MAF: variants seen among roughly 807,000 people sequenced by gnomAD.
MAF encodes MAF bZIP transcription factor, also known as transcription factor Maf.
In MAF, 10 loss-of-function variants were observed where a neutral mutation model predicts 22.0. The ratio of observed to expected loss-of-function variants is 0.45; its 90% CI spans 0.28 to 0.77. The LOEUF (loss-of-function observed/expected upper bound fraction) is 0.77, where lower values mean the gene tolerates loss of function less well. MAF is among the 30% of genes least tolerant of loss of function. The pLI, the probability that MAF is intolerant of heterozygous loss-of-function variation, is 0.12. For missense variants in MAF, 544 were observed against 548.4 expected, an observed-to-expected ratio of 0.99 and a Z score of 0.08; for synonymous variants, 337 against 255.8, an observed-to-expected ratio of 1.32 and a Z score of -3.03.
the MAF span, among the ~76,000 whole-genome samples, chr16:79,500,917 G>A: frequency 6.6e-6 from 1 of 152,056 alleles, no homozygotes; most frequent in Non-Finnish European, 1.5e-5. Flanking sequence ...TCTCTGTTAG[G>A]GAAAATTCAC....
At chr16:79,244,206 T>C in the MAF span, among the ~76,000 whole-genome samples, 1 of 152,016 alleles carries the variant, frequency 6.6e-6, no homozygotes, top group African/African-American at 2.4e-5. Context: ...GTATCGGAAG[T>C]TCTGGCCAGG....
At chr16:79,228,701 T>A in the MAF span, among the ~76,000 whole-genome samples, 1 of 152,048 alleles carries the variant, frequency 6.6e-6, no homozygotes, top group Non-Finnish European at 1.5e-5. Flanking sequence ...TTGTTATGGT[T>A]GAAAATTCAG....
chr16:79,218,152 C>T, the MAF span, among the ~76,000 whole-genome samples: 2 of 151,816 alleles, frequency 1.3e-5, no homozygotes, highest in South Asian at 4.2e-4. Flanking sequence ...ACTGAACAAA[C>T]AGCTCTGAGT....
At chr16:79,530,086 A>G in the MAF span, among the ~76,000 whole-genome samples, 2 of 152,336 alleles carry the variant, frequency 1.3e-5, no homozygotes, top group African/African-American at 2.4e-5. Context: ...TCTCCCCATT[A>G]GCCCCAAGTG....
the MAF span, among the ~76,000 whole-genome samples, chr16:79,236,261 G>A: frequency 6.6e-6 from 1 of 152,018 alleles, no homozygotes; most frequent in Non-Finnish European, 1.5e-5. Flanking sequence ...TGACCATCCT[G>A]GTTAATGTTG....
the MAF span, among the ~76,000 whole-genome samples, chr16:79,499,302 G>T: frequency 6.6e-6 from 1 of 152,148 alleles, no homozygotes; most frequent in Admixed American, 6.5e-5. Flanking sequence ...CAGAATGAAG[G>T]AGTAAGCACC....
chr16:79,277,442 T>C, the MAF span, among the ~76,000 whole-genome samples: 2 of 152,240 alleles, frequency 1.3e-5, no homozygotes, highest in Non-Finnish European at 2.9e-5. Context: ...TTGCTGCATC[T>C]GTAGGCTATA....
the MAF span, among the ~76,000 whole-genome samples, chr16:79,370,795 C>T: frequency 6.6e-6 from 1 of 152,180 alleles, no homozygotes; most frequent in East Asian, 1.9e-4. Context: ...AATCCACCTC[C>T]CAATTTCACC....
At chr16:79,581,099 T>C (rs77966788), downstream of MAF, among the ~76,000 whole-genome samples, 6,107 of 152,238 alleles carry the variant, frequency 0.04, 166 homozygotes, top group Non-Finnish European at 0.058. Flanking sequence ...ATTTCAACAC[T>C]ATTAAATGTA....
At chr16:79,581,291 C>G (rs1212826465), downstream of MAF, among the ~76,000 whole-genome samples, 1 of 152,162 alleles carries the variant, frequency 6.6e-6, no homozygotes, top group East Asian at 1.9e-4. Flanking sequence ...CAGGAATGAA[C>G]CTCATTTTAA....
At chr16:79,424,987 T>C in the MAF span, among the ~76,000 whole-genome samples, 81 of 152,278 alleles carry the variant, frequency 5.3e-4, no homozygotes, top group African/African-American at 1.9e-3. Context: ...CTTGAAGGTA[T>C]ACTCTGATGC....
chr16:79,430,653 C>G, the MAF span, among the ~76,000 whole-genome samples: 7 of 152,170 alleles, frequency 4.6e-5, no homozygotes, highest in South Asian at 6.2e-4. Context: ...GGAGAGGAAG[C>G]CTGGCAGGGG....
chr16:79,467,486 G>T, the MAF span, among the ~76,000 whole-genome samples: 1 of 152,202 alleles, frequency 6.6e-6, no homozygotes, highest in Non-Finnish European at 1.5e-5. Flanking sequence ...TTAGGAAACT[G>T]AGGCATAGAG....
chr16:79,387,173 C>T, the MAF span, among the ~76,000 whole-genome samples: 4 of 152,154 alleles, frequency 2.6e-5, no homozygotes, highest in African/African-American at 7.2e-5. Flanking sequence ...AATAGCAGAA[C>T]GCTCTCTCTT....
At chr16:79,354,852 AAAATAAC>A in the MAF span, among the ~76,000 whole-genome samples, 1 of 152,204 alleles carries the variant, frequency 6.6e-6, no homozygotes, top group Non-Finnish European at 1.5e-5. Context: ...CACACAGAAA[AAAATAAC>A]AATCCCACAA....
At chr16:79,527,649 C>T in the MAF span, among the ~76,000 whole-genome samples, 7 of 152,084 alleles carry the variant, frequency 4.6e-5, no homozygotes, top group Non-Finnish European at 8.8e-5. Flanking sequence ...AGGGGGGGGT[C>T]CCATCACCTT....
the MAF span, among the ~76,000 whole-genome samples, chr16:79,238,326 G>C: frequency 6.6e-6 from 1 of 152,008 alleles, no homozygotes; most frequent in Non-Finnish European, 1.5e-5. Flanking sequence ...CCTGGCTCTT[G>C]GAAGCAGGTA....
chr16:79,424,464 C>T, the MAF span, among the ~76,000 whole-genome samples: 16 of 152,048 alleles, frequency 1.1e-4, no homozygotes, highest in African/African-American at 3.9e-4. Flanking sequence ...CTGTGTGATC[C>T]CCCTCCTTGA....
At chr16:79,203,555 G>A in the MAF span, 2 of 151,138 alleles carry the variant, frequency 1.3e-5, no homozygotes, top group Non-Finnish European at 2.9e-5. Flanking sequence ...TACTTATGGG[G>A]CATACGTGTA....
Sources: allele counts gnomAD v4.1 joint callset (sites outside exome capture counted in the v4.1 genomes callset), GRCh38; gene constraint gnomAD v4.1.1; transcripts MANE v1.5; gene names NCBI Gene and HGNC (gene_info 2026-07-23, HGNC 2026-07-21).